The following TMEM38B variants were observed in gnomAD, a reference collection of about 807,000 sequenced individuals.
TMEM38B encodes transmembrane protein 38B.
A neutral mutation model predicts 28.7 loss-of-function variants in TMEM38B; 24 were observed. That is an observed-to-expected ratio of 0.84 (90% CI 0.61 to 1.18). The LOEUF (loss-of-function observed/expected upper bound fraction) is 1.18, where lower values mean the gene tolerates loss of function less well. Among genes scored for constraint, TMEM38B ranks in the 50% most tolerant of loss-of-function variants. The pLI, the probability that TMEM38B is intolerant of heterozygous loss-of-function variation, is 0.00. For synonymous variants in TMEM38B, 131 were observed against 127.7 expected, an observed-to-expected ratio of 1.03 and a Z score of -0.17; for missense variants, 380 against 350.9, an observed-to-expected ratio of 1.08 and a Z score of -0.66.
In TMEM38B at chr9:105,710,196, C is replaced by G. The variant is rs536281204; in HGVS notation, c.269+4443C>G. ...GCACCTTCCACACACCCCTTTGTCA[C>G]TTGAACTGCCCTTCTTTGGTTCTTT... On this transcript the variant is annotated intron_variant, in intron 2 of 5. Coordinates refer to ENST00000374692, the MANE Select transcript of TMEM38B (RefSeq NM_018112.3). The G allele has an allele frequency of 8.8e-6, 4 of 455,118 alleles. No individual in the cohort carries two copies. The East Asian group carries it at 1.6e-4, about 19-fold the overall frequency. 28.2% of individuals were successfully genotyped at this position (455,118 alleles called of 1,614,324 possible).
chr9:105,765,592 A>G (rs970924276), intron 5 of TMEM38B, among the ~76,000 whole-genome samples: 5 of 152,172 alleles, frequency 3.3e-5, no homozygotes, highest in South Asian at 2.1e-4. Flanking sequence ...ATGGAGTCAT[A>G]TAGTATGTAC....
chr9:105,735,544 T>C (rs1337072449), intron 4 of TMEM38B, among the ~76,000 whole-genome samples: 1 of 152,228 alleles, frequency 6.6e-6, no homozygotes, highest in East Asian at 1.9e-4. Context: ...TTCTGAAGAA[T>C]AGCTTTGCTG....
chr9:105,755,718 C>T (rs1028460810), intron 5 of TMEM38B, among the ~76,000 whole-genome samples: 5 of 151,992 alleles, frequency 3.3e-5, no homozygotes, highest in Non-Finnish European at 7.4e-5. Context: ...TTTAGTTGGG[C>T]CATCTTTGTT....
chr9:105,704,100 GA>G (rs1835556831), intron 1 of TMEM38B, among the ~76,000 whole-genome samples: 1 of 135,330 alleles, frequency 7.4e-6, no homozygotes, highest in African/African-American at 2.7e-5. Flanking sequence ...GGGGAGGGGG[GA>G]GGGATAGCAT....
At chr9:105,772,335 C>T (rs1204930734) in intron 5 of TMEM38B, among the ~76,000 whole-genome samples, 1 of 152,150 alleles carries the variant, frequency 6.6e-6, no homozygotes, top group Non-Finnish European at 1.5e-5. Flanking sequence ...CTGTATTGAC[C>T]TCAGGTCCTT....
intron 1 of TMEM38B, among the ~76,000 whole-genome samples, chr9:105,702,313 G>T (rs1408351269): frequency 1.3e-5 from 2 of 151,926 alleles, no homozygotes; most frequent in Non-Finnish European, 2.9e-5. Flanking sequence ...ATGTAGAGTT[G>T]AAGTTTTAAG....
chr9:105,769,208 T>C, intron 5 of TMEM38B, among the ~76,000 whole-genome samples: 1 of 149,454 alleles, frequency 6.7e-6, no homozygotes, highest in South Asian at 2.1e-4. Flanking sequence ...CAGGAAATGT[T>C]CCTCAAACAT....
intron 2 of TMEM38B, among the ~76,000 whole-genome samples, 177 bp downstream of exon 2, chr9:105,705,930 TCA>T: frequency 6.7e-6 from 1 of 150,088 alleles, no homozygotes; most frequent in African/African-American, 2.5e-5. Context: ...AGACGGAGTC[TCA>T]CTCTGTTGCC....
chr9:105,774,559 C>A lies in TMEM38B; in HGVS notation c.*479C>A, dbSNP rs1346172965. ...TATTTTGAACACTGAGAAGAGTAAACTTTTCCTAAAACACTTTATATTATA... is the reference window on the plus strand; with the variant it reads ...TATTTTGAACACTGAGAAGAGTAAAATTTTCCTAAAACACTTTATATTATA... On this transcript the variant is annotated 3_prime_UTR_variant, in exon 6 of 6. Coordinates refer to ENST00000374692, the MANE Select transcript of TMEM38B (RefSeq NM_018112.3). 1 of 152,026 alleles carries A rather than the reference C, an allele frequency of 6.6e-6. No homozygotes were observed. Among genetic ancestry groups the A allele is most frequent in the African/African-American group, 2.4e-5 (1 of 41,372 alleles). 9.4% of individuals were successfully genotyped at this position (152,026 alleles called of 1,614,324 possible).
At position 105,775,426 on chromosome 9, in the gene TMEM38B, C is replaced by T. The variant is rs142722653; in HGVS notation, c.*1346C>T. ...CTTTTACCAAAACCATGAACCTACT[C>T]CCCGTATCAGGTATTTTCGATGGTT... On this transcript the variant is annotated 3_prime_UTR_variant, in exon 6 of 6. Transcript: ENST00000374692. 5 of 152,166 alleles carry T rather than the reference C, an allele frequency of 3.3e-5. No homozygotes were observed. Among genetic ancestry groups the T allele is most frequent in the African/African-American group, 1.2e-4 (5 of 41,554 alleles). 9.4% of individuals were successfully genotyped at this position (152,166 alleles called of 1,614,324 possible).
At chr9:105,761,739 C>T (rs1838059991) in intron 5 of TMEM38B, among the ~76,000 whole-genome samples, 1 of 152,018 alleles carries the variant, frequency 6.6e-6, no homozygotes, top group African/African-American at 2.4e-5. Flanking sequence ...GCCTATATGC[C>T]CAGGGCCTAA....
At chr9:105,721,753 CTGT>C (rs1318287134) in intron 3 of TMEM38B, 32 bp downstream of exon 3, 1 of 1,516,070 alleles carries the variant, frequency 6.6e-7, no homozygotes, top group East Asian at 2.3e-5. Context: ...CATAAATATT[CTGT>C]TGTTGGTGTA....
rs547303698 is a variant in TMEM38B at position 105,776,626 on chromosome 9, T to A, written c.*2546T>A. On this transcript the variant is annotated 3_prime_UTR_variant, in exon 6 of 6. Transcript: ENST00000374692. ...TTTATAGTGTTTGCCCCAGGTGTAA[T>A]TCACATCCTTGGTAATATTCATTCA... is the stretch of plus-strand genomic sequence containing the variant. 6.6e-6 allele frequency: 1 copy of A among 152,336 alleles called. No individual in the cohort carries two copies. The highest frequency in any genetic ancestry group is 2.1e-4 in the South Asian group (1 of 4,828). The allele number at this position is 152,336 out of a possible 1,614,324, so 9.4% of individuals were successfully genotyped here.
intron 4 of TMEM38B, among the ~76,000 whole-genome samples, chr9:105,731,422 A>G (rs568527175): frequency 4.6e-5 from 7 of 151,964 alleles, no homozygotes; most frequent in Non-Finnish European, 5.9e-5. Context: ...CGTCATTTAT[A>G]TTAGGTATTT....
At chr9:105,716,990 G>A (rs978787937) in intron 2 of TMEM38B, among the ~76,000 whole-genome samples, 5 of 152,072 alleles carry the variant, frequency 3.3e-5, no homozygotes, top group African/African-American at 1.2e-4. Flanking sequence ...AGTTATATGT[G>A]GTGTTTTGAT....
chr9:105,700,013 C>G (rs1413012088), intron 1 of TMEM38B, among the ~76,000 whole-genome samples: 3 of 152,136 alleles, frequency 2.0e-5, no homozygotes, highest in African/African-American at 4.8e-5. Flanking sequence ...AAAATAAACA[C>G]ATTTCTTCAA....
chr9:105,774,165 T>G lies in TMEM38B; in HGVS notation c.*85T>G. ...TGCTAATTTTTCTATGTATGTGATG[T>G]GAAATGAAGACTATATATATGGAAT... On this transcript the variant is annotated 3_prime_UTR_variant, in exon 6 of 6. Transcript: ENST00000374692. 9.0e-7 allele frequency: 1 copy of G among 1,111,732 alleles called. No individual in the cohort carries two copies. Among genetic ancestry groups the G allele is most frequent in the African/African-American group, 1.6e-5 (1 of 63,280 alleles). 68.9% of individuals were successfully genotyped at this position (1,111,732 alleles called of 1,614,324 possible).
intron 1 of TMEM38B, among the ~76,000 whole-genome samples, chr9:105,704,397 AAAAT>A (rs1277240159): frequency 6.6e-6 from 1 of 152,156 alleles, no homozygotes; most frequent in African/African-American, 2.4e-5. Context: ...ACCCTGTCTC[AAAAT>A]AAATAAATAA....
intron 4 of TMEM38B, among the ~76,000 whole-genome samples, chr9:105,744,725 A>G (rs1159096792): frequency 6.6e-6 from 1 of 152,026 alleles, no homozygotes; most frequent in Non-Finnish European, 1.5e-5. Context: ...TCCTAATGCT[A>G]TCCCTCCCCA....
Sources: gnomAD v4.1 joint callset for allele counts (sites outside exome capture counted in the v4.1 genomes callset) on GRCh38, gnomAD v4.1.1 for gene constraint, MANE v1.5 for transcripts, NCBI Gene and HGNC (gene_info 2026-07-23, HGNC 2026-07-21) for gene names.